POLD3: variants seen among roughly 807,000 people sequenced by gnomAD.
POLD3 encodes DNA polymerase delta 3, accessory subunit.
In POLD3, 19 loss-of-function variants were observed where a neutral mutation model predicts 58.2. The observed-to-expected ratio is 0.33, with a 90% CI of 0.23 to 0.48. The LOEUF (loss-of-function observed/expected upper bound fraction) is 0.48. POLD3 is among the 20% of genes least tolerant of loss of function. The pLI is 0.99. For missense variants in POLD3, 504 were observed against 545.5 expected (o/e 0.92, Z 0.76); for synonymous variants, 172 against 193.5 (o/e 0.89, Z 0.92).
At position 74,596,819 on chromosome 11, in the gene POLD3, G is replaced by T. The variant is rs115260657; in HGVS notation, c.116+2703G>T. Among the ~76,000 whole-genome samples the T allele has an allele frequency of 8.7e-3, 1,320 of 152,220 alleles. 28 individuals carry two copies. The highest frequency in any genetic ancestry group is 0.03 in the African/African-American group (1,244 of 41,512). ...AAAATTCTGCTTTCCACTTCCGTGAGATCACCTTTTACAGATTCCACAAAT... is the reference window on the plus strand; with the variant it reads ...AAAATTCTGCTTTCCACTTCCGTGATATCACCTTTTACAGATTCCACAAAT... On this transcript the variant is annotated intron_variant, in intron 2 of 11. Coordinates refer to ENST00000263681, the MANE Select transcript of POLD3 (RefSeq NM_006591.3).
intron 4 of POLD3, among the ~76,000 whole-genome samples, chr11:74,657,381 T>C (rs1400667802): frequency 1.3e-5 from 2 of 152,148 alleles, no homozygotes; most frequent in African/African-American, 2.4e-5. Context: ...TAATCTTCTC[T>C]GGTGTTATGA....
intron 10 of POLD3, 61 bp downstream of exon 10, chr11:74,634,756 C>A (rs755423611): frequency 3.1e-5 from 29 of 936,388 alleles, no homozygotes; most frequent in Non-Finnish European, 5.0e-5. Context: ...GGACCTACAA[C>A]CACTATGCTA....
intron 8 of POLD3, among the ~76,000 whole-genome samples, chr11:74,628,361 T>C (rs2032492922): frequency 1.3e-5 from 2 of 152,318 alleles, no homozygotes; most frequent in South Asian, 2.1e-4. Flanking sequence ...CTCTTATCTT[T>C]ATTGTTTCCT....
chr11:74,648,732 C>T (rs2033032140), intron 4 of POLD3, among the ~76,000 whole-genome samples: 2 of 152,292 alleles, frequency 1.3e-5, no homozygotes, highest in South Asian at 4.1e-4. Context: ...GTAGTTTAGA[C>T]CTTGCACTAT....
chr11:74,607,404 A>G (rs555717315), intron 3 of POLD3, among the ~76,000 whole-genome samples: 87 of 149,974 alleles, frequency 5.8e-4, no homozygotes, highest in South Asian at 1.7e-3. Context: ...CTGGGACTAC[A>G]GGCGCCCGCC....
Position 74,641,549 on chromosome 11 carries a change from G to T in POLD3, c.*783G>T. On this transcript the variant is annotated 3_prime_UTR_variant, in exon 12 of 12. Coordinates refer to ENST00000263681, the MANE Select transcript of POLD3 (RefSeq NM_006591.3). ...GGAGGAGCTGCCGTGCTGCTGATAC[G>T]GGGTGTGCTTTATGCTGCTCTTTGC... 1.0e-6 allele frequency: 1 copy of T among 985,376 alleles called. No individual in the cohort carries two copies. The highest frequency in any genetic ancestry group is 1.2e-6 in the Non-Finnish European group (1 of 829,916). The allele number at this position is 985,376 out of a possible 1,614,324, so 61.0% of individuals were successfully genotyped here.
At chr11:74,596,997 C>G (rs2031284430) in intron 2 of POLD3, among the ~76,000 whole-genome samples, 1 of 152,122 alleles carries the variant, frequency 6.6e-6, no homozygotes, top group Non-Finnish European at 1.5e-5. Flanking sequence ...TTTCCTTTAT[C>G]CATTAATGGA....
chr11:74,649,668 T>C (rs2033043384), intron 4 of POLD3, among the ~76,000 whole-genome samples: 1 of 152,188 alleles, frequency 6.6e-6, no homozygotes, highest in Non-Finnish European at 1.5e-5. Flanking sequence ...ACATGTTATA[T>C]GTCTTCCCAG....
At chr11:74,603,781 CTG>C (rs974226016) in intron 2 of POLD3, among the ~76,000 whole-genome samples, 5 of 152,078 alleles carry the variant, frequency 3.3e-5, no homozygotes, top group Non-Finnish European at 5.9e-5. Flanking sequence ...TTGAGCTTCT[CTG>C]GGGATTTTTA....
intron 4 of POLD3, among the ~76,000 whole-genome samples, chr11:74,653,905 C>G (rs759115651): frequency 1.2e-4 from 18 of 152,146 alleles, no homozygotes; most frequent in Admixed American, 4.6e-4. Flanking sequence ...CCAGCATCAG[C>G]TTAGCTTCTG....
At chr11:74,604,400 C>A (rs533906879) in intron 2 of POLD3, among the ~76,000 whole-genome samples, 1 of 152,188 alleles carries the variant, frequency 6.6e-6, no homozygotes, top group Non-Finnish European at 1.5e-5. Flanking sequence ...TATTATGTAT[C>A]ATTGCCACTG....
intron 4 of POLD3, among the ~76,000 whole-genome samples, chr11:74,661,899 A>T (rs942453373): frequency 6.6e-6 from 1 of 152,228 alleles, no homozygotes; most frequent in Non-Finnish European, 1.5e-5. Context: ...TCATGCTACG[A>T]GACAAAGTCC....
At chr11:74,594,199 C>T (rs1042207091) in intron 2 of POLD3, 83 bp downstream of exon 2, 8 of 819,922 alleles carry the variant, frequency 9.8e-6, no homozygotes, top group African/African-American at 6.8e-5. Context: ...CTACAGATAG[C>T]CTACATAGAT....
At chr11:74,621,953 C>T (rs2032274935) in intron 7 of POLD3, among the ~76,000 whole-genome samples, 1 of 151,856 alleles carries the variant, frequency 6.6e-6, no homozygotes, top group Non-Finnish European at 1.5e-5. Context: ...ATGTGCCATG[C>T]TGGTGTGCTG....
chr11:74,645,482 T>C (rs1399213527), downstream of POLD3, among the ~76,000 whole-genome samples: 2 of 152,236 alleles, frequency 1.3e-5, no homozygotes, highest in Admixed American at 1.3e-4. Flanking sequence ...GGAGGCAGGA[T>C]GCCGGGATGG....
chr11:74,607,283 G>T (rs2031719921), intron 3 of POLD3, among the ~76,000 whole-genome samples: 1 of 118,956 alleles, frequency 8.4e-6, no homozygotes, highest in African/African-American at 2.9e-5. Context: ...TATTTTTTGA[G>T]ACCGAGTCTT....
intron 5 of POLD3, 65 bp from the exon 6 acceptor site, chr11:74,618,472 T>C (rs1251304795): frequency 2.4e-6 from 3 of 1,257,652 alleles, no homozygotes; most frequent in Non-Finnish European, 3.3e-6. Context: ...TTTTTTTCTT[T>C]TTTTGTTGAA....
intron 5 of POLD3, among the ~76,000 whole-genome samples, chr11:74,613,800 A>T (rs893316961): frequency 4.6e-5 from 7 of 152,210 alleles, no homozygotes; most frequent in African/African-American, 1.7e-4. Context: ...CATGTAACTG[A>T]TGGGAGACAG....
intron 1 of POLD3, among the ~76,000 whole-genome samples, chr11:74,593,670 G>A (rs972078083): frequency 5.3e-5 from 8 of 152,162 alleles, no homozygotes; most frequent in Admixed American, 1.3e-4. Flanking sequence ...TTCTTTAGAA[G>A]TTTCTGAGAC....
Sources: gnomAD v4.1 joint callset for allele counts (sites outside exome capture counted in the v4.1 genomes callset) on GRCh38, gnomAD v4.1.1 for gene constraint, MANE v1.5 for transcripts, NCBI Gene and HGNC (gene_info 2026-07-23, HGNC 2026-07-21) for gene names.